MBOAT1: variants seen among roughly 807,000 people sequenced by gnomAD.
MBOAT1 encodes the protein membrane bound glycerophospholipid O-acyltransferase 1.
MBOAT1 carries 67 observed loss-of-function variants against 64.4 expected under a neutral mutation model. The ratio of observed to expected loss-of-function variants is 1.04; its 90% confidence interval spans 0.85 to 1.27. The LOEUF (loss-of-function observed/expected upper bound fraction) is 1.27. MBOAT1 is among the 50% of genes most tolerant of loss of function. MBOAT1 has a pLI of 0.00. For synonymous variants in MBOAT1, 229 were observed against 218.9 expected, an observed-to-expected ratio of 1.05 and a Z score of -0.41; for missense variants, 563 against 604.6, an observed-to-expected ratio of 0.93 and a Z score of 0.72.
In MBOAT1 at chr6:20,126,504, A is replaced by G. The variant is rs1760653055; in HGVS notation, c.714+13T>C. ...GGCAGCAAAACCCTATTCTCTAGACACTAAAAACTTACTGTGGGAGAAGGT... is the reference window on the plus strand; with the variant it reads ...GGCAGCAAAACCCTATTCTCTAGACGCTAAAAACTTACTGTGGGAGAAGGT... On this transcript the variant is annotated intron_variant, in intron 7 of 12. Coordinates refer to ENST00000324607, the MANE Select transcript of MBOAT1 (RefSeq NM_001080480.3). The G allele has an allele frequency of 6.2e-7, 1 of 1,601,738 alleles. No homozygotes were observed. Among genetic ancestry groups the G allele is most frequent in the Non-Finnish European group, 8.5e-7 (1 of 1,176,804 alleles).
At chr6:20,119,216 C>T (rs1420917160) in intron 8 of MBOAT1, among the ~76,000 whole-genome samples, 1 of 152,174 alleles carries the variant, frequency 6.6e-6, no homozygotes, top group African/African-American at 2.4e-5. Context: ...ATCACCCAAG[C>T]CAGCCACCCA....
At chr6:20,155,197 GT>G (rs1418405410) in intron 1 of MBOAT1, among the ~76,000 whole-genome samples, 4 of 152,176 alleles carry the variant, frequency 2.6e-5, no homozygotes, top group African/African-American at 4.8e-5. Context: ...TTGGAAACTT[GT>G]TAGAAATGCA....
At chr6:20,126,732 C>T (rs1174552149) in intron 6 of MBOAT1, 32 bp from the exon 7 acceptor site, 9 of 1,522,046 alleles carry the variant, frequency 5.9e-6, no homozygotes, top group Admixed American at 5.8e-5. Context: ...ATTGAAAAGT[C>T]TTCAGTCTTT....
At position 20,109,901 on chromosome 6, in the gene MBOAT1, A is replaced by ATTTTTTTTTTTTTTTTTT. The variant is rs756853889; in HGVS notation, c.1210-153_1210-152insAAAAAAAAAAAAAAAAAA. On this transcript the variant is annotated intron_variant, in intron 11 of 12. Coordinates refer to ENST00000324607, the MANE Select transcript of MBOAT1 (RefSeq NM_001080480.3). ...ATTTTCGACTACAAATACCATCAGGACTTTTTTTTTTTTTTTTTTTTTTTT... is the reference window on the plus strand; with the variant it reads ...ATTTTCGACTACAAATACCATCAGGATTTTTTTTTTTTTTTTTTCTTTTTTTTTTTTTTTTTTTTTTTT... The ATTTTTTTTTTTTTTTTTT allele has an allele frequency of 1.7e-5, 5 of 296,680 alleles. 1 individual carries two copies. The highest frequency in any genetic ancestry group is 2.6e-5 in the African/African-American group (1 of 38,046). The allele number at this position is 296,680 out of a possible 1,614,324, so 18.4% of individuals were successfully genotyped here.
At chr6:20,116,498 G>A (rs1030756488) in intron 9 of MBOAT1, among the ~76,000 whole-genome samples, 1 of 152,152 alleles carries the variant, frequency 6.6e-6, no homozygotes, top group African/African-American at 2.4e-5. Context: ...ATGTTTGTAA[G>A]GGACAGAAGG....
At chr6:20,138,391 T>C (rs1166877872) in intron 4 of MBOAT1, among the ~76,000 whole-genome samples, 1 of 152,074 alleles carries the variant, frequency 6.6e-6, no homozygotes, top group Non-Finnish European at 1.5e-5. Context: ...TACGAGGAGA[T>C]CCAAAAAATG....
intron 12 of MBOAT1, among the ~76,000 whole-genome samples, chr6:20,104,330 C>T (rs1430120560): frequency 6.6e-6 from 1 of 152,204 alleles, no homozygotes; most frequent in African/African-American, 2.4e-5. Context: ...TAACCCATTG[C>T]TCTACTCAAG....
chr6:20,158,705 C>T (rs779420877), intron 1 of MBOAT1, among the ~76,000 whole-genome samples: 1 of 152,124 alleles, frequency 6.6e-6, no homozygotes, highest in African/African-American at 2.4e-5. Context: ...AAAAAGAATT[C>T]TAACTGCTTA....
In MBOAT1 at chr6:20,118,445, T is replaced by C. The variant is rs1390400267; in HGVS notation, c.1003A>G (p.Lys335Glu). 3 of 1,613,754 alleles carry C rather than the reference T, an allele frequency of 1.9e-6. No homozygotes were observed. The highest frequency in any genetic ancestry group is 2.2e-5 in the East Asian group (1 of 44,880). Residue 335 changes from lysine (K) to glutamate (E), a missense_variant, in exon 9 of 13, where the codon AAA becomes GAA. Physicochemically the swap from Lys to Glu is moderately conservative, Grantham distance 56. Transcript: ENST00000324607. ...TAAAAGCATACACTCACCTCAATTT[T>C]CCAGATGTTTAGGTTCGAAAGCAGA... ...WDLLSNLNIW[K>E]IETATSFKMY...
At chr6:20,196,208 T>G (rs1762951071) in intron 1 of MBOAT1, among the ~76,000 whole-genome samples, 2 of 152,224 alleles carry the variant, frequency 1.3e-5, no homozygotes, top group South Asian at 4.1e-4. Flanking sequence ...ATACCTCAGC[T>G]GCAGAAGCCC....
intron 1 of MBOAT1, among the ~76,000 whole-genome samples, chr6:20,174,940 G>A (rs1337440509): frequency 6.6e-6 from 1 of 152,216 alleles, no homozygotes; most frequent in Admixed American, 6.5e-5. Context: ...CATGTCAGAA[G>A]TGAGGCAGTA....
intron 4 of MBOAT1, among the ~76,000 whole-genome samples, chr6:20,134,620 G>A (rs982716571): frequency 6.6e-6 from 1 of 152,116 alleles, no homozygotes; most frequent in Non-Finnish European, 1.5e-5. Context: ...AAGGAGTTTA[G>A]AATCTTCCTA....
chr6:20,209,944 T>A (rs376992344), intron 1 of MBOAT1, among the ~76,000 whole-genome samples: 2 of 152,196 alleles, frequency 1.3e-5, no homozygotes, highest in East Asian at 3.9e-4. Context: ...CAAATGGCAA[T>A]GAAGTAACTC....
intron 4 of MBOAT1, among the ~76,000 whole-genome samples, chr6:20,142,749 C>T (rs1761214709): frequency 6.6e-6 from 1 of 152,224 alleles, no homozygotes; most frequent in Admixed American, 6.5e-5. Context: ...TACGCCCATC[C>T]TGCATATTGT....
intron 1 of MBOAT1, among the ~76,000 whole-genome samples, chr6:20,159,078 C>T (rs1054589234): frequency 2.0e-5 from 3 of 152,090 alleles, no homozygotes; most frequent in Non-Finnish European, 4.4e-5. Context: ...GGTATATGCC[C>T]GAGGAAACTG....
chr6:20,156,163 C>T (rs569283219), intron 1 of MBOAT1, among the ~76,000 whole-genome samples: 31 of 150,414 alleles, frequency 2.1e-4, no homozygotes, highest in Admixed American at 1.9e-3. Context: ...CCCAGCTACT[C>T]GGGAGGCTGA....
intron 3 of MBOAT1, among the ~76,000 whole-genome samples, chr6:20,150,949 G>A (rs1380460096): frequency 6.6e-6 from 1 of 152,082 alleles, no homozygotes; most frequent in African/African-American, 2.4e-5. Context: ...AAATAGAGCA[G>A]CCTAGTCATG....
At chr6:20,125,860 T>C in intron 7 of MBOAT1, 1 of 439,092 alleles carries the variant, frequency 2.3e-6, no homozygotes, top group Admixed American at 2.7e-5. Flanking sequence ...CCTCATTTCC[T>C]TCCTTTTCCA....
intron 1 of MBOAT1, among the ~76,000 whole-genome samples, chr6:20,192,158 T>C (rs1457075557): frequency 6.6e-6 from 1 of 152,230 alleles, no homozygotes; most frequent in Non-Finnish European, 1.5e-5. Context: ...GTCATTCCTT[T>C]GCAAGGTTCT....
Sources: gnomAD v4.1 joint callset for allele counts (sites outside exome capture counted in the v4.1 genomes callset) on GRCh38, gnomAD v4.1.1 for gene constraint, MANE v1.5 for transcripts, NCBI Gene and HGNC (gene_info 2026-07-23, HGNC 2026-07-21) for gene names.